TWF2: variants seen among roughly 807,000 people sequenced by gnomAD.
TWF2 encodes the protein twinfilin-2.
TWF2 carries 15 observed loss-of-function variants against 45.1 expected under a neutral mutation model. The observed-to-expected ratio is 0.33, with a 90% CI of 0.22 to 0.51. TWF2 has a LOEUF of 0.51. Ranked by LOEUF, TWF2 falls within the 20% of genes least tolerant of loss-of-function variation. The pLI is 0.97. For synonymous variants in TWF2, 177 were observed against 195.8 expected (o/e 0.90, Z 0.80); for missense variants, 423 against 469.1 (o/e 0.90, Z 0.91).
chr3:52,230,202 C>G (rs553360547), intron 6 of TWF2, 132 bp from the exon 7 acceptor site: 7 of 1,226,202 alleles, frequency 5.7e-6, no homozygotes, highest in Admixed American at 2.8e-5. Context: ...CAAGACTCCC[C>G]TGCAATGGCC....
At chr3:52,237,243 C>T (rs896045218) in intron 1 of TWF2, among the ~76,000 whole-genome samples, 1 of 152,124 alleles carries the variant, frequency 6.6e-6, no homozygotes, top group Non-Finnish European at 1.5e-5. Flanking sequence ...GCCCAGCCAC[C>T]ATCAATAATC....
rs767848268 is a variant in TWF2 at position 52,232,086 on chromosome 3, C to T, written c.140G>A (p.Gly47Asp). Residue 47 changes from glycine (G) to aspartate (D), a missense_variant, in exon 3 of 9, where the codon GGC becomes GAC. Physicochemically the swap from Gly to Asp is moderately conservative, Grantham distance 94. Coordinates refer to ENST00000305533, the MANE Select transcript of TWF2 (RefSeq NM_007284.4). ...CCTGTCATAGTCCTGATCCCAGCGG[C>T]CTACTGGCTCCTGCGAGGCACCCAG... Reference protein sequence around the residue: ...LVLGASQEPVGRWDQDYDRAV... With the variant: ...LVLGASQEPVDRWDQDYDRAV... The T allele has an allele frequency of 3.1e-6, 5 of 1,610,792 alleles. No individual in the cohort carries two copies. In the Admixed American group the frequency reaches 5.0e-5, roughly 16 times the overall value.
At chr3:52,238,936 G>GT (rs939701370) in intron 1 of TWF2, 56 bp downstream of exon 1, 212 of 1,565,960 alleles carry the variant, frequency 1.4e-4, no homozygotes, top group Non-Finnish European at 1.7e-4. Context: ...AGCCGGGGGG[G>GT]GGCGCTTCCG....
At chr3:52,231,066 G>GCTGC (rs1264537953) in intron 5 of TWF2, 61 bp downstream of exon 5, 3 of 1,610,504 alleles carry the variant, frequency 1.9e-6, no homozygotes, top group Non-Finnish European at 2.5e-6. Context: ...GGCAGCACAG[G>GCTGC]CTGCCACTGG....
chr3:52,236,880 C>A (rs994934052), intron 1 of TWF2, among the ~76,000 whole-genome samples: 6 of 152,118 alleles, frequency 3.9e-5, no homozygotes, highest in Non-Finnish European at 8.8e-5. Flanking sequence ...AGGCCCCAAG[C>A]CTGGCCTCTG....
At chr3:52,235,649 C>A (rs1350749829) in intron 1 of TWF2, among the ~76,000 whole-genome samples, 1 of 152,226 alleles carries the variant, frequency 6.6e-6, no homozygotes, top group African/African-American at 2.4e-5. Flanking sequence ...TACATGAACA[C>A]ATGCTCAGTT....
At position 52,228,958 on chromosome 3, in the gene TWF2, A is replaced by G. The variant is rs543271454; in HGVS notation, c.*76T>C. On this transcript the variant is annotated 3_prime_UTR_variant, in exon 9 of 9. Transcript: ENST00000305533. The stretch of plus-strand genomic sequence containing the variant: ...TCCCAGAAACACTTTCCTGGAGCCC[A>G]GGAAGGAGGATGGTGGCAGGGAGCG... 2 of 1,551,012 alleles carry G rather than the reference A, an allele frequency of 1.3e-6. No individual in the cohort carries two copies. The highest frequency in any genetic ancestry group is 1.4e-5 in the African/African-American group (1 of 73,436).
At chr3:52,236,396 G>T (rs1699726429) in intron 1 of TWF2, among the ~76,000 whole-genome samples, 2 of 152,160 alleles carry the variant, frequency 1.3e-5, no homozygotes, top group Non-Finnish European at 2.9e-5. Context: ...CAGGGCAGAG[G>T]TGAGGACCAT....
intron 1 of TWF2, among the ~76,000 whole-genome samples, chr3:52,235,679 C>T (rs951349553): frequency 2.0e-5 from 3 of 152,204 alleles, no homozygotes; most frequent in South Asian, 2.1e-4. Context: ...CAAATGGACA[C>T]GCATGTTTAG....
At chr3:52,229,272 C>A (rs1050164027) in intron 8 of TWF2, 71 bp from the exon 9 acceptor site, 1 of 1,563,968 alleles carries the variant, frequency 6.4e-7, no homozygotes, top group African/African-American at 1.3e-5. Flanking sequence ...GTAGCCCCCA[C>A]TCCTGGGGCA....
At chr3:52,237,218 C>A (rs574755217) in intron 1 of TWF2, among the ~76,000 whole-genome samples, 7 of 152,274 alleles carry the variant, frequency 4.6e-5, no homozygotes, top group South Asian at 2.1e-4. Flanking sequence ...CCTGCCCACC[C>A]CAGCCCCAAT....
intron 7 of TWF2, 52 bp downstream of exon 7, chr3:52,229,868 A>T: frequency 6.3e-7 from 1 of 1,593,026 alleles, no homozygotes; most frequent in Non-Finnish European, 8.6e-7. Flanking sequence ...ACTGCAGACC[A>T]GCCCTGCTCC....
chr3:52,231,410 G>A (rs762740614), intron 4 of TWF2, 34 bp downstream of exon 4: 1 of 1,608,436 alleles, frequency 6.2e-7, no homozygotes, highest in Non-Finnish European at 8.5e-7. Context: ...GTGGGCCCAG[G>A]ATTGTGTCCC....
Position 52,229,019 on chromosome 3 carries a change from C to G in TWF2, c.*15G>C, listed in dbSNP as rs1354980055. On this transcript the variant is annotated 3_prime_UTR_variant, in exon 9 of 9. Transcript: ENST00000305533. ...AGCCCCACAGTCCACACGTGGCCGG[C>G]CCTGCTCCAGCCTCCTAGCTGTCAT... 6.2e-7 allele frequency: 1 copy of G among 1,609,060 alleles called. No individual in the cohort carries two copies. Among genetic ancestry groups the G allele is most frequent in the African/African-American group, 1.3e-5 (1 of 74,870 alleles).
At chr3:52,237,750 T>C (rs1029289645) in intron 1 of TWF2, among the ~76,000 whole-genome samples, 1 of 152,180 alleles carries the variant, frequency 6.6e-6, no homozygotes, top group South Asian at 2.1e-4. Context: ...CTGGGAGCCC[T>C]GGCCCTGACC....
At chr3:52,230,140 C>T (rs1308938415) in intron 6 of TWF2, 70 bp from the exon 7 acceptor site, 3 of 1,464,544 alleles carry the variant, frequency 2.0e-6, no homozygotes, top group East Asian at 4.9e-5. Context: ...CCCCAGGAAG[C>T]CCTCAAACAG....
chr3:52,230,816 G>A, intron 6 of TWF2, 54 bp downstream of exon 6: 5 of 1,583,958 alleles, frequency 3.2e-6, no homozygotes, highest in African/African-American at 1.3e-5. Context: ...ACATGTGCAT[G>A]GGCAGGAGTA....
In TWF2 at chr3:52,229,669, C is replaced by A. The variant is rs773855153; in HGVS notation, c.874G>T (p.Ala292Ser). ...SVEQDFHLEI[A>S]KKIEIGDGAE... ...CTGGGGAGGGCGCCTACTTTCTTGGCGATCTCCAGATGGAAGTCCTGCTCC... is the reference window on the plus strand; with the variant it reads ...CTGGGGAGGGCGCCTACTTTCTTGGAGATCTCCAGATGGAAGTCCTGCTCC... Residue 292 changes from alanine to serine, a missense_variant, in exon 8 of 9, where the codon GCC becomes TCC. Coordinates refer to ENST00000305533, the MANE Select transcript of TWF2 (RefSeq NM_007284.4). 112 of 1,613,224 alleles carry A rather than the reference C, an allele frequency of 6.9e-5. 1 individual carries two copies. The Middle Eastern group carries it at 9.9e-4, about 14-fold the overall frequency.
At chr3:52,231,288 G>C in intron 4 of TWF2, 57 bp from the exon 5 acceptor site, 4 of 1,597,040 alleles carry the variant, frequency 2.5e-6, no homozygotes, top group South Asian at 1.1e-5. Flanking sequence ...ATTGGCTAGA[G>C]GAGGCCCACG....
Sources: gnomAD v4.1 joint callset for allele counts (sites outside exome capture counted in the v4.1 genomes callset) on GRCh38, gnomAD v4.1.1 for gene constraint, MANE v1.5 for transcripts, NCBI Gene and HGNC (gene_info 2026-07-23, HGNC 2026-07-21) for gene names.